Variants in DGKD observed in about 807,000 individuals in gnomAD.
The protein encoded by DGKD is diacylglycerol kinase delta.
A neutral mutation model predicts 154.4 loss-of-function variants in DGKD; 68 were observed. The observed-to-expected ratio is 0.44, with a 90% CI of 0.36 to 0.54. The LOEUF is 0.54. Among genes scored for constraint, DGKD ranks in the 20% least tolerant of loss-of-function variants. The probability of loss-of-function intolerance (pLI) is 0.00; values close to 1 mark genes in which losing one functional copy is unlikely to be tolerated. For synonymous variants in DGKD, 693 were observed against 638.0 expected (o/e 1.09, Z -1.30); for missense variants, 1,343 against 1,593.6 (o/e 0.84, Z 2.68).
intron 1 of DGKD, among the ~76,000 whole-genome samples, chr2:233,385,224 C>G (rs1228840388): frequency 6.6e-6 from 1 of 152,176 alleles, no homozygotes; most frequent in East Asian, 1.9e-4. Context: ...GCGCTTCCCC[C>G]CAAGCAGCTG....
At position 233,438,402 on chromosome 2, in the gene DGKD, C is replaced by A. The variant is rs753942821; in HGVS notation, c.1085+23C>A. On this transcript the variant is annotated intron_variant, in intron 9 of 29. Transcript: ENST00000264057. The surrounding 1 kb of genome is among the most constrained non-coding windows in gnomAD (Gnocchi z 4.1). ...CGGGTAGGAAGCTTGTAAAATATAT[C>A]TTTCTTGGAGTTTTAAAAATTGTGT... The A allele has an allele frequency of 1.3e-6, 2 of 1,592,142 alleles. No homozygotes were observed. Among genetic ancestry groups the A allele is most frequent in the Non-Finnish European group, 1.7e-6 (2 of 1,167,830 alleles).
chr2:233,462,266 C>A, intron 24 of DGKD, 82 bp from the exon 25 acceptor site: 1 of 1,162,042 alleles, frequency 8.6e-7, no homozygotes. Context: ...CAGGTGGTAC[C>A]TGGGCCGTGT....
chr2:233,395,552 A>G (rs838722), intron 3 of DGKD, among the ~76,000 whole-genome samples: 49,749 of 149,898 alleles, frequency 0.33, 8,944 homozygotes, highest in Middle Eastern at 0.48. Flanking sequence ...TAGTTCACAG[A>G]TTTTCTTTTT....
Position 233,448,190 on chromosome 2 carries a change from C to G in DGKD, c.1514+9C>G. 2 of 1,614,200 alleles carry G rather than the reference C, an allele frequency of 1.2e-6. No homozygotes were observed. The highest frequency in any genetic ancestry group is 4.5e-5 in the East Asian group (2 of 44,886). On this transcript the variant is annotated intron_variant, in intron 13 of 29. Coordinates refer to ENST00000264057, the MANE Select transcript of DGKD (RefSeq NM_152879.3). ...GTCATCTCCTCGGCCAAGTGAGTGC[C>G]TGGTGGCCCTGGGGAGGGCATGGTG...
In DGKD at chr2:233,445,608, C is replaced by A. The variant is rs752231437; in HGVS notation, c.1195-15C>A. 6.3e-7 allele frequency: 1 copy of A among 1,596,928 alleles called. No homozygotes were observed. The highest frequency in any genetic ancestry group is 1.3e-5 in the African/African-American group (1 of 74,190). Reference sequence around the variant, plus strand: ...CCAGGTGTTTGCCTGCGCATCGTCCCCCATGTTTCCTTAGTGTCAGCTGGG... The same window carrying A: ...CCAGGTGTTTGCCTGCGCATCGTCCACCATGTTTCCTTAGTGTCAGCTGGG... On this transcript the variant is annotated splice_polypyrimidine_tract_variant and intron_variant, in intron 10 of 29. Coordinates refer to ENST00000264057, the MANE Select transcript of DGKD (RefSeq NM_152879.3). The surrounding 1 kb of genome is among the most constrained non-coding windows in gnomAD (Gnocchi z 5.5).
chr2:233,444,246 T>C (rs1187072633), intron 10 of DGKD, among the ~76,000 whole-genome samples: 1 of 152,156 alleles, frequency 6.6e-6, no homozygotes, highest in Non-Finnish European at 1.5e-5. Context: ...CGGACAGTTG[T>C]TCTTGGTTCG....
At position 233,390,408 on chromosome 2, in the gene DGKD, C is replaced by T; in HGVS notation, c.273C>T (p.Ile91=). ...CTGTGTTTGTCTCTTTCTAGTCAAT[C>T]ATATTTGATGAGGTGGATCTGACAG... The part of the protein sequence containing the change: ...TLYYAKTAKS[I]IFDEVDLTDA... The change falls in exon 3 of 30, where the codon ATC becomes ATT. Residue 91 remains isoleucine, a synonymous_variant. Coordinates refer to ENST00000264057, the MANE Select transcript of DGKD (RefSeq NM_152879.3). 1 of 1,613,744 alleles carries T rather than the reference C, an allele frequency of 6.2e-7. No individual in the cohort carries two copies. Among genetic ancestry groups the T allele is most frequent in the Non-Finnish European group, 8.5e-7 (1 of 1,179,770 alleles).
chr2:233,462,240 C>A, intron 24 of DGKD, 108 bp from the exon 25 acceptor site: 1 of 858,402 alleles, frequency 1.2e-6, no homozygotes, highest in Non-Finnish European at 1.8e-6. Context: ...TGGGCCTGCC[C>A]TCCACATCAG....
Position 233,457,292 on chromosome 2 carries a change from A to G in DGKD, c.2544A>G (p.Gly848=). The G allele has an allele frequency of 4.6e-6, 7 of 1,532,920 alleles. No homozygotes were observed. Among genetic ancestry groups the G allele is most frequent in the Non-Finnish European group, 6.1e-6 (7 of 1,140,090 alleles). The allele number at this position is 1,532,920 out of a possible 1,614,324, so 95.0% of individuals were successfully genotyped here. Residue 848 remains glycine (G), a synonymous_variant, in exon 21 of 30, where the codon GGA becomes GGG. Coordinates refer to ENST00000264057, the MANE Select transcript of DGKD (RefSeq NM_152879.3). This position sits in a 1 kb window ranked among gnomAD's most constrained non-coding sequence, Gnocchi z 5.5. ...IAVLNIPSYA[G]GTNFWGGTKE... is the part of the protein sequence containing the mutation. ...TCCTTAACATTCCCAGCTATGCCGGAGGAACCAACTTCTGGGGGGGTACCA... is the reference window on the plus strand; with the variant it reads ...TCCTTAACATTCCCAGCTATGCCGGGGGAACCAACTTCTGGGGGGGTACCA...
intron 8 of DGKD, among the ~76,000 whole-genome samples, chr2:233,437,754 G>T (rs987806495): frequency 3.9e-5 from 6 of 152,044 alleles, no homozygotes; most frequent in Admixed American, 3.3e-4. Context: ...CCTGAGACCC[G>T]AGCCTGGCAC....
At chr2:233,409,458 A>G (rs1450067900) in intron 3 of DGKD, among the ~76,000 whole-genome samples, 3 of 150,410 alleles carry the variant, frequency 2.0e-5, no homozygotes, top group African/African-American at 7.3e-5. Context: ...TTTACTCAGT[A>G]TGCTTTTAAA....
chr2:233,439,310 C>T (rs561746052), intron 9 of DGKD, among the ~76,000 whole-genome samples: 21 of 152,270 alleles, frequency 1.4e-4, no homozygotes, highest in East Asian at 9.7e-4. Flanking sequence ...ATGTGAACCT[C>T]GGCCAGCTCC....
intron 3 of DGKD, among the ~76,000 whole-genome samples, chr2:233,421,356 C>T (rs1559526358): frequency 6.6e-6 from 1 of 152,220 alleles, no homozygotes; most frequent in Admixed American, 6.5e-5. Context: ...TGCCCACTCT[C>T]CTCACCATCA....
At chr2:233,448,981 A>C in intron 14 of DGKD, 122 bp from the exon 15 acceptor site, 1 of 1,249,702 alleles carries the variant, frequency 8.0e-7, no homozygotes, top group Non-Finnish European at 1.1e-6. Flanking sequence ...TTAGGCGTGG[A>C]GAGTTAGGAT....
intron 1 of DGKD, among the ~76,000 whole-genome samples, chr2:233,361,607 G>A (rs1701784320): frequency 6.6e-6 from 1 of 152,164 alleles, no homozygotes; most frequent in South Asian, 2.1e-4. Context: ...GAGATCAGAT[G>A]GAGAGTTTTG....
At chr2:233,434,997 C>T (rs1045919869) in intron 5 of DGKD, 96 bp downstream of exon 5, 12 of 1,513,402 alleles carry the variant, frequency 7.9e-6, no homozygotes, top group East Asian at 2.3e-5. Flanking sequence ...ATAAATAAGC[C>T]GTTGTCACCC....
In DGKD at chr2:233,449,192, C is replaced by A. The variant is rs2228937; in HGVS notation, c.1704C>A (p.Pro568=). 23 of 1,613,720 alleles carry A rather than the reference C, an allele frequency of 1.4e-5. No homozygotes were observed. The highest frequency in any genetic ancestry group is 4.0e-5 in the African/African-American group (3 of 74,938). The change falls in exon 15 of 30, where the codon CCC becomes CCA. Residue 568 remains proline, a synonymous_variant. Coordinates refer to ENST00000264057, the MANE Select transcript of DGKD (RefSeq NM_152879.3). The surrounding 1 kb of genome is among the most constrained non-coding windows in gnomAD (Gnocchi z 5.3). ...QASSSLPNPP[P]TIAEEAEDGD... Reference sequence around the variant, plus strand: ...CGTCCTCTCTGCCCAACCCGCCCCCCACCATTGCCGAGGAGGCTGAAGATG... The same window carrying A: ...CGTCCTCTCTGCCCAACCCGCCCCCAACCATTGCCGAGGAGGCTGAAGATG...
chr2:233,358,795 A>G (rs986340079), intron 1 of DGKD, among the ~76,000 whole-genome samples: 1 of 152,200 alleles, frequency 6.6e-6, no homozygotes, highest in East Asian at 1.9e-4. Context: ...TTATCCATTT[A>G]TCAGTTGATG....
At chr2:233,460,472 G>A (rs988649715) in intron 24 of DGKD, 127 bp downstream of exon 24, 11 of 1,244,150 alleles carry the variant, frequency 8.8e-6, no homozygotes, top group Non-Finnish European at 1.1e-5. Flanking sequence ...TACCCATGAG[G>A]GCCGAGCCTG....
Sources: allele counts gnomAD v4.1 joint callset (sites outside exome capture counted in the v4.1 genomes callset), GRCh38; gene constraint gnomAD v4.1.1; non-coding constraint Gnocchi (gnomAD v3.1); transcripts MANE v1.5; gene names NCBI Gene and HGNC (gene_info 2026-07-23, HGNC 2026-07-21).